Variants in CDH12 observed in about 807,000 individuals in gnomAD.
CDH12 encodes cadherin 12, also known as cadherin-12.
CDH12 carries 41 observed loss-of-function variants against 74.1 expected under a neutral mutation model. The ratio of observed to expected loss-of-function variants is 0.55; its 90% CI spans 0.43 to 0.72. The LOEUF (loss-of-function observed/expected upper bound fraction) is 0.72. Among genes scored for constraint, CDH12 ranks in the 30% least tolerant of loss-of-function variants. The pLI, the probability that CDH12 is intolerant of heterozygous loss-of-function variation, is 0.00. For missense variants in CDH12, 945 were observed against 977.2 expected, an observed-to-expected ratio of 0.97 and a Z score of 0.44; for synonymous variants, 399 against 355.0, an observed-to-expected ratio of 1.12 and a Z score of -1.39.
At chr5:22,103,929 T>C (rs909299422) in intron 4 of CDH12, among the ~76,000 whole-genome samples, 29 of 152,302 alleles carry the variant, frequency 1.9e-4, no homozygotes, top group African/African-American at 7.0e-4. Flanking sequence ...AAACATAAAT[T>C]TGTCAAGGTA....
intron 1 of CDH12, among the ~76,000 whole-genome samples, chr5:22,507,499 G>T (rs271095): frequency 0.95 from 144,704 of 152,178 alleles, 68,912 homozygotes; most frequent in African/African-American, 0.98. Context: ...TAATAATCCA[G>T]ATGGGATAAC....
At chr5:22,628,979 T>C (rs1028850487) in intron 1 of CDH12, among the ~76,000 whole-genome samples, 2 of 151,174 alleles carry the variant, frequency 1.3e-5, no homozygotes, top group African/African-American at 2.4e-5. Context: ...AAAAACTCTA[T>C]GCACATAAAC....
intron 6 of CDH12, among the ~76,000 whole-genome samples, chr5:21,887,668 C>T (rs749931375): frequency 1.3e-5 from 2 of 152,148 alleles, no homozygotes; most frequent in Non-Finnish European, 2.9e-5. Context: ...ATGATTCACA[C>T]CATGGACTTT....
At chr5:21,885,179 G>A (rs4594819) in intron 6 of CDH12, among the ~76,000 whole-genome samples, 19,995 of 151,742 alleles carry the variant, frequency 0.13, 1,754 homozygotes, top group African/African-American at 0.24. Context: ...GAGCCACCGC[G>A]CCCAGGCAAA....
At chr5:22,187,269 A>C (rs1300162912) in intron 4 of CDH12, among the ~76,000 whole-genome samples, 1 of 152,146 alleles carries the variant, frequency 6.6e-6, no homozygotes, top group Non-Finnish European at 1.5e-5. Flanking sequence ...TTATCATCTT[A>C]AATCCCAGAG....
At chr5:22,551,364 C>G (rs1156663970) in intron 1 of CDH12, among the ~76,000 whole-genome samples, 2 of 152,152 alleles carry the variant, frequency 1.3e-5, no homozygotes, top group Non-Finnish European at 2.9e-5. Flanking sequence ...GGTACCCAGT[C>G]TTTAGTATTC....
intron 3 of CDH12, among the ~76,000 whole-genome samples, chr5:22,247,921 TA>T (rs1240943368): frequency 6.6e-6 from 1 of 152,126 alleles, no homozygotes; most frequent in Admixed American, 6.6e-5. Flanking sequence ...CATGGGTCCA[TA>T]AAAAATTCAA....
intron 8 of CDH12, among the ~76,000 whole-genome samples, chr5:21,835,090 C>A (rs1749455074): frequency 6.6e-6 from 1 of 151,742 alleles, no homozygotes; most frequent in South Asian, 2.1e-4. Flanking sequence ...TGCAGGCAGG[C>A]AATAGACTCT....
At chr5:21,888,769 CAATA>C (rs1752761194) in intron 6 of CDH12, among the ~76,000 whole-genome samples, 1 of 151,796 alleles carries the variant, frequency 6.6e-6, no homozygotes, top group Admixed American at 6.6e-5. Context: ...TAAAATTTAA[CAATA>C]TATATTGATA....
In CDH12 at chr5:22,639,177, C is replaced by T. The variant is rs548327852; in HGVS notation, c.-522-133813G>A. ...AAGAGGATTAGTGGAAAGGATACTT[C>T]AGGGACTGAGGATAGCATGAAGCAA... On this transcript the variant is annotated intron_variant, in intron 1 of 14. Transcript: ENST00000382254. Among the ~76,000 whole-genome samples, 38 of 148,170 alleles carry T rather than the reference C, an allele frequency of 2.6e-4. 1 individual carries two copies. Among genetic ancestry groups the T allele is most frequent in the Non-Finnish European group, 4.7e-4 (32 of 67,516 alleles).
intron 3 of CDH12, 42 bp downstream of exon 3, chr5:22,405,215 A>T (rs1167810041): frequency 1.8e-6 from 1 of 544,368 alleles, no homozygotes; most frequent in African/African-American, 2.3e-5. Context: ...CTTTAAAAAA[A>T]ATAAAAAATA....
intron 1 of CDH12, among the ~76,000 whole-genome samples, chr5:22,592,970 C>T (rs939732552): frequency 7.1e-6 from 1 of 141,718 alleles, no homozygotes; most frequent in African/African-American, 2.6e-5. Flanking sequence ...GCGGAGGTTG[C>T]AATGAGCCGA....
At chr5:22,329,853 G>A (rs1343497925) in intron 3 of CDH12, among the ~76,000 whole-genome samples, 1 of 152,212 alleles carries the variant, frequency 6.6e-6, no homozygotes, top group East Asian at 1.9e-4. Flanking sequence ...GGGAACTTGA[G>A]GTTCTTGGCA....
intron 3 of CDH12, among the ~76,000 whole-genome samples, chr5:22,289,725 A>G (rs1737302178): frequency 6.6e-6 from 1 of 152,194 alleles, no homozygotes; most frequent in African/African-American, 2.4e-5. Context: ...GACCCCAGGC[A>G]GCACAGCACA....
chr5:22,322,327 G>T (rs1240646131), intron 3 of CDH12, among the ~76,000 whole-genome samples: 3 of 148,330 alleles, frequency 2.0e-5, no homozygotes, highest in Admixed American at 2.0e-4. Context: ...ATCCCTTTAA[G>T]AAAATCTGAA....
chr5:22,487,217 A>T (rs1270113842), intron 2 of CDH12, among the ~76,000 whole-genome samples: 3 of 151,508 alleles, frequency 2.0e-5, no homozygotes, highest in African/African-American at 7.3e-5. Context: ...GGCCAAGCTG[A>T]TTTCGAACTC....
At chr5:22,032,776 T>C (rs113695157) in intron 5 of CDH12, among the ~76,000 whole-genome samples, 3 of 127,328 alleles carry the variant, frequency 2.4e-5, no homozygotes, top group African/African-American at 3.4e-5. Flanking sequence ...ATATGTATTA[T>C]ATATGCATAC....
intron 1 of CDH12, among the ~76,000 whole-genome samples, chr5:22,773,014 C>A (rs916292369): frequency 3.3e-5 from 5 of 151,848 alleles, no homozygotes; most frequent in African/African-American, 9.7e-5. Flanking sequence ...ATGACACAAA[C>A]AAATAGAAAA....
At chr5:22,249,754 C>A (rs1197429187) in intron 3 of CDH12, among the ~76,000 whole-genome samples, 2 of 152,178 alleles carry the variant, frequency 1.3e-5, no homozygotes, top group African/African-American at 4.8e-5. Context: ...CTGTTCGTTA[C>A]TAAGGTCGAC....
Sources: allele counts gnomAD v4.1 joint callset (sites outside exome capture counted in the v4.1 genomes callset), GRCh38; gene constraint gnomAD v4.1.1; transcripts MANE v1.5; gene names NCBI Gene and HGNC (gene_info 2026-07-23, HGNC 2026-07-21).